Variants in SPON1 observed in about 807,000 individuals in gnomAD.
SPON1 encodes spondin 1, also known as spondin-1.
Under a neutral mutation model 111.7 loss-of-function variants are expected in SPON1, and 52 were observed. That is an observed-to-expected ratio of 0.47 (90% confidence interval 0.37 to 0.59). The LOEUF is 0.59. Among genes scored for constraint, SPON1 ranks in the 20% least tolerant of loss-of-function variants. SPON1 has a pLI of 0.00. For missense variants in SPON1, 957 were observed against 1,068.5 expected, an observed-to-expected ratio of 0.90 and a Z score of 1.46; for synonymous variants, 410 against 395.8, an observed-to-expected ratio of 1.04 and a Z score of -0.43.
At chr11:14,160,467 A>T (rs868970677) in intron 6 of SPON1, among the ~76,000 whole-genome samples, 1 of 20,848 alleles carries the variant, frequency 4.8e-5, no homozygotes. Flanking sequence ...ATATATATAT[A>T]TTTATATATA....
intron 2 of SPON1, among the ~76,000 whole-genome samples, chr11:14,033,104 A>G (rs1591356984): frequency 6.6e-6 from 1 of 152,326 alleles, no homozygotes; most frequent in South Asian, 2.1e-4. Context: ...TTCTAAGACT[A>G]GCCTCTCCTG....
chr11:14,065,560 G>A (rs1848826398), intron 3 of SPON1, among the ~76,000 whole-genome samples: 1 of 152,210 alleles, frequency 6.6e-6, no homozygotes, highest in South Asian at 2.1e-4. Context: ...GCATAGTCTG[G>A]AGAGAAAGCA....
intron 6 of SPON1, among the ~76,000 whole-genome samples, chr11:14,166,509 G>C (rs1272108767): frequency 1.3e-5 from 2 of 152,188 alleles, no homozygotes; most frequent in South Asian, 2.1e-4. Flanking sequence ...TACTCCAATA[G>C]CACAATTTTT....
intron 2 of SPON1, among the ~76,000 whole-genome samples, chr11:14,013,342 C>T (rs562033086): frequency 1.3e-5 from 2 of 152,306 alleles, no homozygotes; most frequent in Admixed American, 6.5e-5. Context: ...TACTCTACTC[C>T]ACTTCCATTT....
chr11:14,221,484 A>G (rs1483953553), intron 6 of SPON1, among the ~76,000 whole-genome samples: 3 of 152,212 alleles, frequency 2.0e-5, no homozygotes, highest in African/African-American at 7.2e-5. Flanking sequence ...TTGGACTTAG[A>G]ACATAAACAC....
intron 6 of SPON1, among the ~76,000 whole-genome samples, chr11:14,214,270 G>A (rs1177609238): frequency 2.0e-5 from 3 of 152,186 alleles, no homozygotes; most frequent in Non-Finnish European, 4.4e-5. Context: ...GGAAGCGTTG[G>A]AAGAATTCCC....
intron 6 of SPON1, among the ~76,000 whole-genome samples, chr11:14,219,269 G>A (rs1848655536): frequency 6.6e-6 from 1 of 152,136 alleles, no homozygotes; most frequent in Admixed American, 6.5e-5. Flanking sequence ...CAATTTTATT[G>A]AAAAGCAGCA....
At chr11:14,008,471 G>A (rs1554913403) in intron 2 of SPON1, among the ~76,000 whole-genome samples, 1 of 152,088 alleles carries the variant, frequency 6.6e-6, no homozygotes, top group East Asian at 1.9e-4. Flanking sequence ...TTTCATTCCT[G>A]ACCCACCTAT....
chr11:14,075,321 T>G, intron 3 of SPON1, 24 bp from the exon 4 acceptor site: 1 of 1,548,106 alleles, frequency 6.5e-7, no homozygotes, highest in Non-Finnish European at 8.8e-7. Flanking sequence ...CTCACCACTG[T>G]GCTTGGGTCT....
chr11:14,088,804 A>G (rs1554922994), intron 5 of SPON1, among the ~76,000 whole-genome samples: 1 of 151,154 alleles, frequency 6.6e-6, no homozygotes, highest in African/African-American at 2.4e-5. Flanking sequence ...ATATACTCCC[A>G]TATTTCTTAG....
chr11:14,119,495 A>T (rs1849289219), intron 5 of SPON1, among the ~76,000 whole-genome samples: 1 of 152,090 alleles, frequency 6.6e-6, no homozygotes, highest in Non-Finnish European at 1.5e-5. Context: ...GGCTAAATTG[A>T]CTCTCAAAGC....
intron 2 of SPON1, among the ~76,000 whole-genome samples, chr11:14,004,948 A>C (rs367661108): frequency 1.3e-5 from 2 of 152,176 alleles, no homozygotes; most frequent in East Asian, 3.9e-4. Flanking sequence ...TTGGGACTAC[A>C]GGTGCATGCC....
At chr11:14,166,829 T>G (rs1375405612) in intron 6 of SPON1, among the ~76,000 whole-genome samples, 2 of 152,130 alleles carry the variant, frequency 1.3e-5, no homozygotes, top group Non-Finnish European at 2.9e-5. Flanking sequence ...TATTTGAAAC[T>G]TTTTCTTCTA....
At chr11:14,171,143 A>G (rs1488811265) in intron 6 of SPON1, among the ~76,000 whole-genome samples, 1 of 152,118 alleles carries the variant, frequency 6.6e-6, no homozygotes, top group Non-Finnish European at 1.5e-5. Context: ...TTTGGTTGGT[A>G]AGCTATTAAT....
At chr11:14,042,314 G>C (rs1848636916) in intron 3 of SPON1, among the ~76,000 whole-genome samples, 1 of 151,826 alleles carries the variant, frequency 6.6e-6, no homozygotes, top group Admixed American at 6.6e-5. Flanking sequence ...GTGGTCAAAT[G>C]TTTGCAAAAT....
At chr11:14,070,395 G>A (rs1450024384) in intron 3 of SPON1, among the ~76,000 whole-genome samples, 1 of 152,118 alleles carries the variant, frequency 6.6e-6, no homozygotes, top group Non-Finnish European at 1.5e-5. Context: ...GCTGACTAAG[G>A]TAATACTCTC....
intron 6 of SPON1, among the ~76,000 whole-genome samples, chr11:14,190,167 A>G (rs1023009036): frequency 2.6e-5 from 4 of 152,150 alleles, no homozygotes; most frequent in African/African-American, 9.7e-5. Context: ...CCACCATGCG[A>G]TGAAACCCTA....
chr11:14,085,153 A>T (rs1213515255), intron 5 of SPON1, among the ~76,000 whole-genome samples: 1 of 152,070 alleles, frequency 6.6e-6, no homozygotes, highest in Admixed American at 6.6e-5. Context: ...GTTTAGTAAG[A>T]TCCCATTTGT....
intron 5 of SPON1, among the ~76,000 whole-genome samples, chr11:14,082,673 C>G (rs1165931049): frequency 6.6e-6 from 1 of 152,168 alleles, no homozygotes; most frequent in Non-Finnish European, 1.5e-5. Flanking sequence ...CTCAGGGAGA[C>G]TGGAGCCGTT....
Sources: gnomAD v4.1 joint callset for allele counts (sites outside exome capture counted in the v4.1 genomes callset) on GRCh38, gnomAD v4.1.1 for gene constraint, MANE v1.5 for transcripts, NCBI Gene and HGNC (gene_info 2026-07-23, HGNC 2026-07-21) for gene names.